LPP: variants seen among roughly 807,000 people sequenced by gnomAD.
LPP encodes LIM domain containing preferred translocation partner in lipoma, also known as lipoma-preferred partner.
LPP carries 38 observed loss-of-function variants against 60.4 expected under a neutral mutation model. The observed-to-expected ratio is 0.63, with a 90% CI of 0.49 to 0.83. The LOEUF is 0.83. Ranked by LOEUF, LPP falls within the 40% of genes least tolerant of loss-of-function variation. LPP has a pLI of 0.00. For synonymous variants in LPP, 328 were observed against 290.8 expected, an observed-to-expected ratio of 1.13 and a Z score of -1.30; for missense variants, 902 against 783.6, an observed-to-expected ratio of 1.15 and a Z score of -1.80.
At chr3:188,268,896 C>T (rs867574260) in intron 2 of LPP, among the ~76,000 whole-genome samples, 2 of 144,468 alleles carry the variant, frequency 1.4e-5, no homozygotes, top group Middle Eastern at 3.4e-3. Flanking sequence ...TTCTCAACAA[C>T]CCTATAAGGT....
At chr3:188,708,595 C>A in intron 8 of LPP, 1 of 663,156 alleles carries the variant, frequency 1.5e-6, no homozygotes, top group East Asian at 2.7e-5. Context: ...TTAGCTTATA[C>A]TAAAATTTCA....
chr3:188,341,693 A>T lies in LPP; in HGVS notation c.-36A>T. ...CAGTTGGCTGAACCTTGTGTCAACC[A>T]TCCATTCCAGGAGCCAGCTATCTGA... On this transcript the variant is annotated 5_prime_UTR_variant, in exon 3 of 12. Transcript: ENST00000617246. 1 of 985,312 alleles carries T rather than the reference A, an allele frequency of 1.0e-6. No homozygotes were observed. Among genetic ancestry groups the T allele is most frequent in the Non-Finnish European group, 1.2e-6 (1 of 829,814 alleles). The allele number at this position is 985,312 out of a possible 1,614,324, so 61.0% of individuals were successfully genotyped here. A position where few individuals can be genotyped will look rare whatever the true frequency, so the allele number is the denominator to read the frequency against.
intron 9 of LPP, among the ~76,000 whole-genome samples, chr3:188,772,417 T>G (rs1328144619): frequency 1.3e-5 from 2 of 152,228 alleles, no homozygotes; most frequent in Non-Finnish European, 2.9e-5. Context: ...GTCACTGGCA[T>G]CCTTGACACA....
chr3:188,332,240 T>C (rs1464342461), intron 2 of LPP, among the ~76,000 whole-genome samples: 1 of 152,218 alleles, frequency 6.6e-6, no homozygotes. Flanking sequence ...CCTACATTTC[T>C]GCTCATGTGT....
chr3:188,213,591 T>A (rs1712169857), intron 1 of LPP, among the ~76,000 whole-genome samples: 1 of 152,190 alleles, frequency 6.6e-6, no homozygotes, highest in African/African-American at 2.4e-5. Flanking sequence ...CTCTTCCCGT[T>A]AGGATATATG....
intron 6 of LPP, among the ~76,000 whole-genome samples, chr3:188,540,749 G>A (rs904529545): frequency 1.6e-4 from 24 of 152,276 alleles, no homozygotes; most frequent in Middle Eastern, 6.8e-3. Context: ...ATTGTTAGCT[G>A]CGTGCTTATT....
At chr3:188,408,715 TTTA>T (rs1315192551) in intron 4 of LPP, among the ~76,000 whole-genome samples, 2 of 152,116 alleles carry the variant, frequency 1.3e-5, no homozygotes, top group Non-Finnish European at 2.9e-5. Context: ...ATGCTTTCTC[TTTA>T]TTATTTTATT....
At chr3:188,761,473 G>A (rs577155850) in intron 9 of LPP, among the ~76,000 whole-genome samples, 1 of 152,078 alleles carries the variant, frequency 6.6e-6, no homozygotes, top group African/African-American at 2.4e-5. Context: ...TCTTTCCAAA[G>A]GTAGCTTAAA....
At chr3:188,827,385 C>G (rs935327925) in intron 9 of LPP, among the ~76,000 whole-genome samples, 5 of 152,156 alleles carry the variant, frequency 3.3e-5, no homozygotes, top group African/African-American at 7.2e-5. Context: ...ACGTTTAAGT[C>G]CCTGCCTATA....
intron 4 of LPP, among the ~76,000 whole-genome samples, chr3:188,483,283 CA>C (rs1805350293): frequency 6.6e-6 from 1 of 152,104 alleles, no homozygotes; most frequent in African/African-American, 2.4e-5. Flanking sequence ...ATCAGAACAA[CA>C]AAACCTACTC....
intron 3 of LPP, among the ~76,000 whole-genome samples, chr3:188,367,435 A>G (rs745944088): frequency 6.6e-6 from 1 of 152,200 alleles, no homozygotes; most frequent in Non-Finnish European, 1.5e-5. Context: ...TAGATCTGGT[A>G]TAGATAAAAA....
intron 7 of LPP, among the ~76,000 whole-genome samples, chr3:188,666,726 G>C (rs1855879300): frequency 6.6e-6 from 1 of 152,302 alleles, no homozygotes; most frequent in Non-Finnish European, 1.5e-5. Flanking sequence ...CCACACACTG[G>C]AAGTCAGGAG....
intron 9 of LPP, among the ~76,000 whole-genome samples, chr3:188,779,712 C>T (rs1226314076): frequency 4.6e-5 from 7 of 151,846 alleles, no homozygotes; most frequent in Admixed American, 3.9e-4. Flanking sequence ...GCAGCTTTTC[C>T]TTGTGTTGAA....
intron 9 of LPP, among the ~76,000 whole-genome samples, chr3:188,831,996 A>G (rs751991084): frequency 6.6e-6 from 1 of 152,182 alleles, no homozygotes; most frequent in Non-Finnish European, 1.5e-5. Context: ...ATATTGGAAG[A>G]GCAAGTTGGA....
At chr3:188,794,842 AG>A (rs1015761397) in intron 9 of LPP, among the ~76,000 whole-genome samples, 1 of 152,142 alleles carries the variant, frequency 6.6e-6, no homozygotes, top group Non-Finnish European at 1.5e-5. Context: ...TAGCCGTGTT[AG>A]AAGTAAATTT....
At chr3:188,268,660 A>G (rs975727853) in intron 2 of LPP, among the ~76,000 whole-genome samples, 6 of 152,240 alleles carry the variant, frequency 3.9e-5, no homozygotes, top group Non-Finnish European at 7.3e-5. Flanking sequence ...GTAATTTAAC[A>G]AGATTCAATG....
intron 6 of LPP, among the ~76,000 whole-genome samples, chr3:188,606,615 A>G (rs1365425406): frequency 6.6e-6 from 1 of 152,078 alleles, no homozygotes; most frequent in Non-Finnish European, 1.5e-5. Context: ...AATAGTACTA[A>G]ATAGAAACAT....
At chr3:188,410,750 T>A (rs1192224904) in intron 4 of LPP, among the ~76,000 whole-genome samples, 1 of 152,196 alleles carries the variant, frequency 6.6e-6, no homozygotes, top group Non-Finnish European at 1.5e-5. Flanking sequence ...TTAGAGATTT[T>A]TTTTAGTTCA....
chr3:188,234,341 C>A (rs1301422864), intron 2 of LPP, among the ~76,000 whole-genome samples: 2 of 152,070 alleles, frequency 1.3e-5, no homozygotes, highest in African/African-American at 4.8e-5. Flanking sequence ...TTCACATGGC[C>A]AAATGATGTG....
Sources: allele counts gnomAD v4.1 joint callset (sites outside exome capture counted in the v4.1 genomes callset), GRCh38; gene constraint gnomAD v4.1.1; transcripts MANE v1.5; gene names NCBI Gene and HGNC (gene_info 2026-07-23, HGNC 2026-07-21).